The following SPAG16 variants were observed in gnomAD, a reference collection of about 807,000 sequenced individuals.
SPAG16 encodes the protein sperm-associated antigen 16 protein.
SPAG16 carries 86 observed loss-of-function variants against 80.4 expected under a neutral mutation model. That is an observed-to-expected ratio of 1.07 (90% confidence interval 0.90 to 1.28). SPAG16 has a LOEUF of 1.28. Among genes scored for constraint, SPAG16 ranks in the 50% most tolerant of loss-of-function variants. The pLI is 0.00. For synonymous variants in SPAG16, 294 were observed against 265.9 expected (o/e 1.11, Z -1.03); for missense variants, 870 against 765.3 (o/e 1.14, Z -1.61).
At chr2:213,549,642 A>G (rs995001521) in intron 10 of SPAG16, among the ~76,000 whole-genome samples, 1 of 152,190 alleles carries the variant, frequency 6.6e-6, no homozygotes, top group African/African-American at 2.4e-5. Flanking sequence ...TCCTAAAGAA[A>G]TGAAAGTAAT....
intron 13 of SPAG16, among the ~76,000 whole-genome samples, chr2:214,062,664 C>T (rs1025010290): frequency 7.8e-6 from 1 of 127,904 alleles, no homozygotes; most frequent in African/African-American, 3.0e-5. Context: ...GTAATAGCCT[C>T]CTCTTTTTTT....
intron 9 of SPAG16, among the ~76,000 whole-genome samples, chr2:213,469,572 T>TTG (rs2072951104): frequency 8.6e-6 from 1 of 116,492 alleles, no homozygotes; most frequent in Non-Finnish European, 1.6e-5. Flanking sequence ...CTCAGCAGGT[T>TTG]TTTTTTTTTT....
intron 10 of SPAG16, among the ~76,000 whole-genome samples, chr2:213,721,881 G>A (rs2066550057): frequency 6.6e-6 from 1 of 152,110 alleles, no homozygotes; most frequent in Non-Finnish European, 1.5e-5. Context: ...GAACCAACTG[G>A]AAGCTTTTAA....
intron 10 of SPAG16, among the ~76,000 whole-genome samples, chr2:213,608,848 T>C (rs1482671524): frequency 6.6e-6 from 1 of 152,204 alleles, no homozygotes; most frequent in Non-Finnish European, 1.5e-5. Context: ...CACACCCAGC[T>C]AATTTTTTTG....
chr2:213,416,243 C>T (rs372334019), intron 9 of SPAG16, among the ~76,000 whole-genome samples: 14 of 152,328 alleles, frequency 9.2e-5, no homozygotes, highest in African/African-American at 3.4e-4. Flanking sequence ...CATGCAGAGG[C>T]TTTAAATGCA....
intron 10 of SPAG16, among the ~76,000 whole-genome samples, chr2:213,661,975 G>A (rs7590768): frequency 0.049 from 7,438 of 152,146 alleles, 595 homozygotes; most frequent in African/African-American, 0.17. Flanking sequence ...ATGTATTATT[G>A]TGAGTTATGT....
intron 15 of SPAG16, among the ~76,000 whole-genome samples, chr2:214,205,685 G>C (rs565078466): frequency 4.6e-4 from 70 of 152,098 alleles, no homozygotes; most frequent in Middle Eastern, 6.8e-3. Context: ...GCTAAATTAG[G>C]CTATATATGT....
At chr2:214,012,259 C>CATAT (rs1163146309) in intron 12 of SPAG16, among the ~76,000 whole-genome samples, 1,939 of 39,676 alleles carry the variant, frequency 0.049, 208 homozygotes, top group Middle Eastern at 0.083. Context: ...TTTATACTTA[C>CATAT]ATATATATAT....
intron 10 of SPAG16, among the ~76,000 whole-genome samples, chr2:213,696,216 A>G (rs1487580463): frequency 1.3e-5 from 2 of 152,204 alleles, no homozygotes; most frequent in South Asian, 2.1e-4. Flanking sequence ...CATTCATTAA[A>G]TTGAGAATGA....
intron 3 of SPAG16, among the ~76,000 whole-genome samples, chr2:213,300,016 T>G (rs908034775): frequency 2.6e-5 from 4 of 152,166 alleles, no homozygotes; most frequent in African/African-American, 9.7e-5. Flanking sequence ...ATAAGTGTAT[T>G]TTTGCCATTT....
intron 15 of SPAG16, among the ~76,000 whole-genome samples, chr2:214,210,595 A>G (rs780356945): frequency 9.9e-5 from 15 of 152,122 alleles, no homozygotes; most frequent in Non-Finnish European, 1.8e-4. Flanking sequence ...AGGTTTGAAT[A>G]AATGTTAACA....
chr2:214,390,949 C>A (rs1052671712), intron 15 of SPAG16, among the ~76,000 whole-genome samples: 2 of 152,044 alleles, frequency 1.3e-5, no homozygotes, highest in East Asian at 3.9e-4. Flanking sequence ...AGAAATATTG[C>A]TAAGGTTGTG....
chr2:213,943,543 G>A (rs1252374240), intron 12 of SPAG16, among the ~76,000 whole-genome samples: 5 of 152,142 alleles, frequency 3.3e-5, no homozygotes, highest in Admixed American at 3.3e-4. Flanking sequence ...GAACCTGGGT[G>A]AATTGTATTC....
At position 214,358,393 on chromosome 2, in the gene SPAG16, CT is replaced by C. The variant is rs796749101; in HGVS notation, c.1721-51745del. Among the ~76,000 whole-genome samples the C allele has an allele frequency of 2.0e-5, 3 of 151,982 alleles. 1 individual carries two copies. The highest frequency in any genetic ancestry group is 7.2e-5 in the African/African-American group (3 of 41,522). On this transcript the variant is annotated intron_variant, in intron 15 of 15. Transcript: ENST00000331683. ...TGATACCTTATCTTTAGAAATTTTG[CT>C]TATTAGTTTTCCCTCATGCCAAACT...
At chr2:213,719,303 T>C (rs567213634) in intron 10 of SPAG16, among the ~76,000 whole-genome samples, 77 of 151,814 alleles carry the variant, frequency 5.1e-4, no homozygotes, top group Non-Finnish European at 4.7e-4. Flanking sequence ...AGGCACTCTG[T>C]ATCTAGCTCA....
intron 10 of SPAG16, among the ~76,000 whole-genome samples, chr2:213,699,371 AC>A (rs2065304769): frequency 1.3e-5 from 2 of 152,124 alleles, no homozygotes; most frequent in African/African-American, 4.8e-5. Flanking sequence ...GTTACTGTTT[AC>A]TTTTTCATTA....
chr2:213,931,222 G>A (rs190821757), intron 12 of SPAG16, among the ~76,000 whole-genome samples: 1 of 152,118 alleles, frequency 6.6e-6, no homozygotes, highest in Non-Finnish European at 1.5e-5. Context: ...AAGATCCAGG[G>A]CATTAGTGGA....
At chr2:213,955,747 C>T (rs2044086413) in intron 12 of SPAG16, among the ~76,000 whole-genome samples, 1 of 151,964 alleles carries the variant, frequency 6.6e-6, no homozygotes, top group Admixed American at 6.6e-5. Context: ...GGAATTTGTT[C>T]ATTTCATCCA....
At chr2:213,489,672 A>G (rs987935276) in intron 9 of SPAG16, among the ~76,000 whole-genome samples, 1 of 152,128 alleles carries the variant, frequency 6.6e-6, no homozygotes, top group Admixed American at 6.5e-5. Flanking sequence ...ATAATATATG[A>G]CAATGCTATA....
Sources: allele counts gnomAD v4.1 joint callset (sites outside exome capture counted in the v4.1 genomes callset), GRCh38; gene constraint gnomAD v4.1.1; transcripts MANE v1.5; gene names NCBI Gene and HGNC (gene_info 2026-07-23, HGNC 2026-07-21).